Variants in TGFB1 observed in about 807,000 individuals in gnomAD.
The protein encoded by TGFB1 is transforming growth factor beta-1 proprotein.
TGFB1 carries 19 observed loss-of-function variants against 43.8 expected under a neutral mutation model. The ratio of observed to expected loss-of-function variants is 0.43; its 90% CI spans 0.30 to 0.64. The LOEUF (loss-of-function observed/expected upper bound fraction) is 0.64. Ranked by LOEUF, TGFB1 falls within the 30% of genes least tolerant of loss-of-function variation. The pLI is 0.11. For missense variants in TGFB1, 445 were observed against 529.8 expected (o/e 0.84, Z 1.57); for synonymous variants, 221 against 236.3 (o/e 0.94, Z 0.60).
intron 5 of TGFB1, among the ~76,000 whole-genome samples, chr19:41,340,853 A>G (rs1032090654): frequency 6.6e-6 from 1 of 152,168 alleles, no homozygotes; most frequent in East Asian, 1.9e-4. Context: ...CCAATGTTTC[A>G]GCTTTCCTTG....
intron 1 of TGFB1, among the ~76,000 whole-genome samples, chr19:41,351,541 G>C (rs1195708183): frequency 6.6e-6 from 1 of 152,184 alleles, no homozygotes; most frequent in Non-Finnish European, 1.5e-5. Context: ...AGGGGGATGA[G>C]GCCGCCGGAC....
In TGFB1 at chr19:41,352,873, G is replaced by A; in HGVS notation, c.172C>T (p.Arg58Trp). 1.3e-6 allele frequency: 2 copies of A among 1,564,308 alleles called. No homozygotes were observed. Among genetic ancestry groups the A allele is most frequent in the Non-Finnish European group, 8.7e-7 (1 of 1,155,686 alleles). ...CCCTGGCTCGGGGGGCTGGCGAGCC[G>A]CAGCTTGGACAGGATCTGGCCGCGG... ...AIRGQILSKL[R>W]LASPPSQGEV... The change falls in exon 1 of 7, where the codon CGG becomes TGG. Residue 58 changes from arginine (R) to tryptophan (W), a missense_variant. This residue lies in a region of TGFB1 where 366 missense variants were observed against 428.8 expected (regional missense o/e 0.85). Coordinates refer to ENST00000221930, the MANE Select transcript of TGFB1 (RefSeq NM_000660.7).
chr19:41,330,689 CTGAA>C lies in TGFB1; in HGVS notation c.*359_*362del. ...GCATCTCAGAGTGTTGCTATGGTGA[CTGAA>C]TGAGTTCATTAATGTAAGGCACTTC... is the stretch of plus-strand genomic sequence containing the variant. On this transcript the variant is annotated 3_prime_UTR_variant, in exon 7 of 7. Transcript: ENST00000221930. The C allele has an allele frequency of 4.9e-6, 1 of 202,362 alleles. No individual in the cohort carries two copies. The highest frequency in any genetic ancestry group is 1.0e-5 in the Non-Finnish European group (1 of 100,328). The allele number at this position is 202,362 out of a possible 1,614,324, so 12.5% of individuals were successfully genotyped here.
chr19:41,342,346 G>T, intron 3 of TGFB1, 99 bp from the exon 4 acceptor site: 1 of 1,168,620 alleles, frequency 8.6e-7, no homozygotes, highest in Non-Finnish European at 1.2e-6. Flanking sequence ...CTTCCTTCCT[G>T]CCTCCCCCAC....
intron 5 of TGFB1, 151 bp downstream of exon 5, chr19:41,341,732 C>G: frequency 1.0e-6 from 1 of 980,000 alleles, no homozygotes; most frequent in Non-Finnish European, 1.5e-6. Context: ...TTCTTACACC[C>G]AGACCTCATC....
At position 41,334,038 on chromosome 19, in the gene TGFB1, A is replaced by G. The variant is rs191336637; in HGVS notation, c.861-1757T>C. ...GGAAAAATAACAGTTCCCAATATCTATTACTCTCTGCCTGCCTTCTTCTGG... is the reference window on the plus strand; with the variant it reads ...GGAAAAATAACAGTTCCCAATATCTGTTACTCTCTGCCTGCCTTCTTCTGG... On this transcript the variant is annotated intron_variant, in intron 5 of 6. Coordinates refer to ENST00000221930, the MANE Select transcript of TGFB1 (RefSeq NM_000660.7). 9.8e-4 allele frequency among the ~76,000 whole-genome samples: 150 copies of G among 152,320 alleles called. 1 individual carries two copies. The highest frequency in any genetic ancestry group is 2.7e-3 in the African/African-American group (114 of 41,576).
rs2037919081 is a variant in TGFB1 at position 41,330,702 on chromosome 19, TTAATG to T, written c.*345_*349del. 4.6e-6 allele frequency: 1 copy of T among 219,104 alleles called. No individual in the cohort carries two copies. Among genetic ancestry groups the T allele is most frequent in the South Asian group, 9.4e-5 (1 of 10,590 alleles). The allele number at this position is 219,104 out of a possible 1,614,324, so 13.6% of individuals were successfully genotyped here. A position where few individuals can be genotyped will look rare whatever the true frequency, so the allele number is the denominator to read the frequency against. Reference sequence around the variant, plus strand: ...TTGCTATGGTGACTGAATGAGTTCATTAATGTAAGGCACTTCAACAGTGCCCAAGG... The same window carrying T: ...TTGCTATGGTGACTGAATGAGTTCATTAAGGCACTTCAACAGTGCCCAAGG... On this transcript the variant is annotated 3_prime_UTR_variant, in exon 7 of 7. Coordinates refer to ENST00000221930, the MANE Select transcript of TGFB1 (RefSeq NM_000660.7).
chr19:41,333,112 G>A (rs932396902), intron 5 of TGFB1, among the ~76,000 whole-genome samples: 4 of 151,770 alleles, frequency 2.6e-5, no homozygotes, highest in Admixed American at 6.6e-5. Flanking sequence ...GTCTTATTTC[G>A]GGGCTCCTGC....
intron 4 of TGFB1, 27 bp from the exon 5 acceptor site, chr19:41,342,057 A>C: frequency 6.2e-7 from 1 of 1,614,174 alleles, no homozygotes; most frequent in Non-Finnish European, 8.5e-7. Flanking sequence ...GTCAGGGGAT[A>C]GGGGACATAC....
At chr19:41,339,430 T>C (rs1235691522) in intron 5 of TGFB1, among the ~76,000 whole-genome samples, 1 of 151,266 alleles carries the variant, frequency 6.6e-6, no homozygotes, top group African/African-American at 2.5e-5. Context: ...TCAGGTTTGA[T>C]TTTTTGCCAA....
intron 5 of TGFB1, among the ~76,000 whole-genome samples, chr19:41,335,246 G>A (rs2037976653): frequency 1.3e-5 from 2 of 151,966 alleles, no homozygotes; most frequent in African/African-American, 4.8e-5. Flanking sequence ...TAGAGGCTGG[G>A]TTTCACCATG....
chr19:41,341,786 C>T lies in TGFB1; in HGVS notation c.860+97G>A, dbSNP rs918908946. Reference sequence around the variant, plus strand: ...AAAGGAGACAGATGCTCAGCCCAAGCACAGCAGCAGCCAGGTGTCCAACCT... The same window carrying T: ...AAAGGAGACAGATGCTCAGCCCAAGTACAGCAGCAGCCAGGTGTCCAACCT... On this transcript the variant is annotated intron_variant, in intron 5 of 6. Coordinates refer to ENST00000221930, the MANE Select transcript of TGFB1 (RefSeq NM_000660.7). 12 of 1,514,396 alleles carry T rather than the reference C, an allele frequency of 7.9e-6. No homozygotes were observed. In the Admixed American group the frequency reaches 1.5e-4, roughly 19 times the overall value. 93.8% of individuals were successfully genotyped at this position (1,514,396 alleles called of 1,614,324 possible).
At chr19:41,343,156 CG>C (rs2038077667) in intron 3 of TGFB1, among the ~76,000 whole-genome samples, 1 of 143,756 alleles carries the variant, frequency 7.0e-6, no homozygotes, top group African/African-American at 2.6e-5. Context: ...TTTTTTGAGA[CG>C]GAGTTTCACT....
At chr19:41,336,386 CTTTTT>C (rs60810325) in intron 5 of TGFB1, among the ~76,000 whole-genome samples, 1 of 134,572 alleles carries the variant, frequency 7.4e-6, no homozygotes, top group Non-Finnish European at 1.6e-5. Flanking sequence ...TCCACTATCT[CTTTTT>C]TTTTTTTTTT....
chr19:41,339,579 C>T (rs531048029), intron 5 of TGFB1, among the ~76,000 whole-genome samples: 5 of 150,380 alleles, frequency 3.3e-5, no homozygotes, highest in Admixed American at 2.7e-4. Flanking sequence ...AATCCCAGCA[C>T]TTTGGGAGGC....
chr19:41,350,112 T>C (rs1264786883), intron 1 of TGFB1, among the ~76,000 whole-genome samples: 2 of 151,750 alleles, frequency 1.3e-5, no homozygotes, highest in African/African-American at 4.8e-5. Context: ...TCCCAATATG[T>C]TGAGATCACA....
Position 41,332,234 on chromosome 19 carries a change from C to A in TGFB1, c.908G>T (p.Arg303Leu). The A allele has an allele frequency of 1.2e-6, 2 of 1,614,160 alleles. No homozygotes were observed. The highest frequency in any genetic ancestry group is 2.2e-5 in the East Asian group (1 of 44,872). ...CCVRQLYIDF[R>L]KDLGWKWIHE... ...GATCCACTTCCAGCCGAGGTCCTTG[C>A]GGAAGTCAATGTACAGCTGCCGCAC... Residue 303 changes from arginine to leucine, a missense_variant, in exon 6 of 7, where the codon CGC becomes CTC. Physicochemically the swap from Arg to Leu is moderately radical, Grantham distance 102. Coordinates refer to ENST00000221930, the MANE Select transcript of TGFB1 (RefSeq NM_000660.7).
At chr19:41,342,052 G>A (rs1165795383) in intron 4 of TGFB1, 22 bp from the exon 5 acceptor site, 6 of 1,614,048 alleles carry the variant, frequency 3.7e-6, no homozygotes, top group Non-Finnish European at 5.1e-6. Flanking sequence ...TGGGAGTCAG[G>A]GGATAGGGGA....
chr19:41,353,195 G>A lies in TGFB1; in HGVS notation c.-151C>T, dbSNP rs1340819193. 1 of 980,732 alleles carries A rather than the reference G, an allele frequency of 1.0e-6. No homozygotes were observed. The highest frequency in any genetic ancestry group is 1.7e-5 in the African/African-American group (1 of 58,470). The allele number at this position is 980,732 out of a possible 1,614,324, so 60.8% of individuals were successfully genotyped here. On this transcript the variant is annotated 5_prime_UTR_variant, in exon 1 of 7. Coordinates refer to ENST00000221930, the MANE Select transcript of TGFB1 (RefSeq NM_000660.7). The surrounding 1 kb of genome is among the most constrained non-coding windows in gnomAD (Gnocchi z 5.9). Reference sequence around the variant, plus strand: ...GGTCCTCAGGGAGAAGGGCGCAGTGGTGGAGGGGAGGCTTGGACCGGGGGT... The same window carrying A: ...GGTCCTCAGGGAGAAGGGCGCAGTGATGGAGGGGAGGCTTGGACCGGGGGT...
Sources: gnomAD v4.1 joint callset for allele counts (sites outside exome capture counted in the v4.1 genomes callset) on GRCh38, gnomAD v4.1.1 for gene constraint, gnomAD v4.1.1 regional missense constraint, Gnocchi (gnomAD v3.1) non-coding constraint, MANE v1.5 for transcripts, NCBI Gene and HGNC (gene_info 2026-07-23, HGNC 2026-07-21) for gene names.